Variants in PCDHGB6 observed in about 807,000 individuals in gnomAD.
PCDHGB6 encodes protocadherin gamma-B6.
PCDHGB6 carries 51 observed loss-of-function variants against 59.1 expected under a neutral mutation model. That is an observed-to-expected ratio of 0.86 (90% CI 0.69 to 1.09). The LOEUF (loss-of-function observed/expected upper bound fraction) is 1.09, where lower values mean the gene tolerates loss of function less well. PCDHGB6 is among the 50% of genes least tolerant of loss of function. The pLI, the probability that PCDHGB6 is intolerant of heterozygous loss-of-function variation, is 0.00. For missense variants in PCDHGB6, 1,148 were observed against 1,205.1 expected (o/e 0.95, Z 0.70); for synonymous variants, 466 against 495.1 (o/e 0.94, Z 0.78).
intron 1 of PCDHGB6, among the ~76,000 whole-genome samples, chr5:141,472,274 G>A (rs1170341842): frequency 6.6e-6 from 1 of 152,176 alleles, no homozygotes; most frequent in Admixed American, 6.5e-5. Flanking sequence ...GGGCACAGTG[G>A]CTCACACCTG....
At chr5:141,482,555 T>C (rs1419129474) in intron 1 of PCDHGB6, among the ~76,000 whole-genome samples, 1 of 116,392 alleles carries the variant, frequency 8.6e-6, no homozygotes, top group African/African-American at 3.8e-5. Context: ...AAAAAGATAA[T>C]GGAGATCTGC....
intron 2 of PCDHGB6, 117 bp downstream of exon 2, chr5:141,494,982 G>T: frequency 1.3e-6 from 2 of 1,563,940 alleles, no homozygotes; most frequent in Non-Finnish European, 1.7e-6. Flanking sequence ...CTCAGTTTGA[G>T]ATCCCAGGGA....
chr5:141,500,618 C>T (rs554274946), intron 2 of PCDHGB6, among the ~76,000 whole-genome samples: 1 of 152,262 alleles, frequency 6.6e-6, no homozygotes, highest in South Asian at 2.1e-4. Flanking sequence ...CCCAGTCATA[C>T]GGTACATTTC....
chr5:141,478,685 A>G, intron 1 of PCDHGB6: 3 of 1,551,308 alleles, frequency 1.9e-6, no homozygotes, highest in Non-Finnish European at 2.6e-6. Context: ...GGCCCTTCCT[A>G]GATCAAAGTT....
chr5:141,498,713 C>T (rs1216279302), intron 2 of PCDHGB6, among the ~76,000 whole-genome samples: 1 of 152,148 alleles, frequency 6.6e-6, no homozygotes, highest in East Asian at 1.9e-4. Flanking sequence ...GGGTGGATCA[C>T]CTGAGGTCAG....
intron 1 of PCDHGB6, chr5:141,422,952 C>A (rs759618535): frequency 6.2e-7 from 1 of 1,614,254 alleles, no homozygotes; most frequent in Non-Finnish European, 8.5e-7. Context: ...GCTCCACTGG[C>A]GTGGAGCTGG....
chr5:141,490,243 G>A lies in PCDHGB6; in HGVS notation c.2419-4564G>A, dbSNP rs1431165990. 1 of 1,614,238 alleles carries A rather than the reference G, an allele frequency of 6.2e-7. No individual in the cohort carries two copies. The highest frequency in any genetic ancestry group is 8.5e-7 in the Non-Finnish European group (1 of 1,180,038). The stretch of plus-strand genomic sequence containing the variant: ...ACAGCCTGCCATGGAGGGCCACTGT[G>A]TGATTCAAGTGGATGTGGGGGATGT... On this transcript the variant is annotated intron_variant, in intron 1 of 3. Coordinates refer to ENST00000520790, the MANE Select transcript of PCDHGB6 (RefSeq NM_018926.3). This position sits in a 1 kb window ranked among gnomAD's most constrained non-coding sequence, Gnocchi z 5.4.
rs374575578 is a variant in PCDHGB6 at position 141,409,643 on chromosome 5, T to G, written c.1441T>G (p.Leu481Val). 4.3e-6 allele frequency: 7 copies of G among 1,613,620 alleles called. No homozygotes were observed. The African/African-American group carries it at 8.0e-5, about 18-fold the overall frequency. ...IAQVSASDPD[L>V]GLNGHISYSI... ...GCAAGTGAGCGCCTCTGACCCGGAT[T>G]TGGGGCTCAATGGCCACATCTCCTA... The change falls in exon 1 of 4, where the codon TTG becomes GTG. Residue 481 changes from leucine to valine, a missense_variant. Around this residue, in one of 5 missense-constraint regions of PCDHGB6, gnomAD observed 549 missense variants for 527.5 expected, o/e 1.04. Coordinates refer to ENST00000520790, the MANE Select transcript of PCDHGB6 (RefSeq NM_018926.3).
At chr5:141,414,888 C>T (rs1452402953) in intron 1 of PCDHGB6, 2 of 1,614,210 alleles carry the variant, frequency 1.2e-6, no homozygotes, top group Non-Finnish European at 1.7e-6. Flanking sequence ...ACCCCGCCCT[C>T]CCCACAGACG....
chr5:141,482,923 AT>A (rs1193255251), intron 1 of PCDHGB6, among the ~76,000 whole-genome samples: 10 of 152,074 alleles, frequency 6.6e-5, no homozygotes, highest in Non-Finnish European at 1.5e-4. Context: ...AATACAAAAA[AT>A]TAGCCAGGTG....
chr5:141,481,401 CT>C (rs2099537157), intron 1 of PCDHGB6, among the ~76,000 whole-genome samples: 1 of 152,204 alleles, frequency 6.6e-6, no homozygotes, highest in African/African-American at 2.4e-5. Flanking sequence ...TGACAAAATT[CT>C]TGTATAATTA....
chr5:141,408,504 G>C lies in PCDHGB6; in HGVS notation c.302G>C (p.Arg101Thr), dbSNP rs752297449. Residue 101 changes from arginine to threonine, a missense_variant, in exon 1 of 4, where the codon AGA becomes ACA. Arg to Thr is a moderately conservative substitution (Grantham distance 71, BLOSUM62 -1). Coordinates refer to ENST00000520790, the MANE Select transcript of PCDHGB6 (RefSeq NM_018926.3). ...DREQICKERR[R>T]CELQLEAVVE... ...GAGCAAATATGCAAAGAGAGAAGAA[G>C]ATGTGAGTTGCAATTGGAAGCTGTG... The C allele has an allele frequency of 1.2e-6, 2 of 1,613,936 alleles. No homozygotes were observed. Among genetic ancestry groups the C allele is most frequent in the Non-Finnish European group, 1.7e-6 (2 of 1,179,910 alleles).
At chr5:141,480,033 C>T (rs370321166) in intron 1 of PCDHGB6, among the ~76,000 whole-genome samples, 1 of 152,106 alleles carries the variant, frequency 6.6e-6, no homozygotes, top group African/African-American at 2.4e-5. Flanking sequence ...AAGCCTCTTC[C>T]TCATATGCAA....
chr5:141,419,285 G>A, intron 1 of PCDHGB6: 2 of 1,614,028 alleles, frequency 1.2e-6, no homozygotes, highest in East Asian at 4.5e-5. Context: ...GCAAGTCAGT[G>A]CCTCTGACCC....
chr5:141,466,415 C>T (rs995296505), intron 1 of PCDHGB6, among the ~76,000 whole-genome samples: 6 of 152,136 alleles, frequency 3.9e-5, no homozygotes, highest in Non-Finnish European at 8.8e-5. Context: ...ATTTTTCAGT[C>T]AGAATTGTGT....
chr5:141,412,839 G>A, intron 1 of PCDHGB6: 1 of 203,324 alleles, frequency 4.9e-6, no homozygotes, highest in Admixed American at 5.8e-5. Context: ...TTAAAGATAG[G>A]AGTGGAGAAA....
In PCDHGB6 at chr5:141,476,789, T is replaced by A. The variant is rs762462741; in HGVS notation, c.2419-18018T>A. On this transcript the variant is annotated intron_variant, in intron 1 of 3. Coordinates refer to ENST00000520790, the MANE Select transcript of PCDHGB6 (RefSeq NM_018926.3). The surrounding 1 kb of genome is among the most constrained non-coding windows in gnomAD (Gnocchi z 7.6). ...GTTGGACGGAGGGACCCCAGCTCTCTCCGCCAGCCTGCCTATTCACATCAA... is the reference window on the plus strand; with the variant it reads ...GTTGGACGGAGGGACCCCAGCTCTCACCGCCAGCCTGCCTATTCACATCAA... 1.3e-5 allele frequency: 21 copies of A among 1,613,374 alleles called. No individual in the cohort carries two copies. Among genetic ancestry groups the A allele is most frequent in the Non-Finnish European group, 1.7e-5 (20 of 1,180,016 alleles).
intron 1 of PCDHGB6, chr5:141,478,167 G>A: frequency 6.2e-7 from 1 of 1,613,772 alleles, no homozygotes; most frequent in Non-Finnish European, 8.5e-7. Context: ...TCTGCCCCCC[G>A]GGAGCAGAAA....
At chr5:141,478,442 C>T in intron 1 of PCDHGB6, 1 of 1,613,608 alleles carries the variant, frequency 6.2e-7, no homozygotes, top group Non-Finnish European at 8.5e-7. Flanking sequence ...GCTGAAGAAA[C>T]CTGGTGCAGC....
Sources: allele counts gnomAD v4.1 joint callset (sites outside exome capture counted in the v4.1 genomes callset), GRCh38; gene constraint gnomAD v4.1.1; regional missense constraint gnomAD v4.1.1; non-coding constraint Gnocchi (gnomAD v3.1); transcripts MANE v1.5; gene names NCBI Gene and HGNC (gene_info 2026-07-23, HGNC 2026-07-21).